DLG2: variants seen among roughly 807,000 people sequenced by gnomAD.
DLG2 encodes discs large MAGUK scaffold protein 2, also known as disks large homolog 2.
Under a neutral mutation model 132.5 loss-of-function variants are expected in DLG2, and 45 were observed. That is an observed-to-expected ratio of 0.34 (90% CI 0.27 to 0.44). The LOEUF (loss-of-function observed/expected upper bound fraction) is 0.44. DLG2 is among the 20% of genes least tolerant of loss of function. The pLI, the probability that DLG2 is intolerant of heterozygous loss-of-function variation, is 1.00. For missense variants in DLG2, 1,045 were observed against 1,196.9 expected (o/e 0.87, Z 1.87); for synonymous variants, 424 against 419.6 (o/e 1.01, Z -0.13).
intron 7 of DLG2, among the ~76,000 whole-genome samples, chr11:84,386,521 A>G (rs1379213012): frequency 2.6e-5 from 4 of 152,112 alleles, no homozygotes; most frequent in Non-Finnish European, 5.9e-5. Flanking sequence ...ATTTACTTCT[A>G]TAATTTTAAG....
chr11:84,007,733 C>A (rs2094642721), intron 11 of DLG2, among the ~76,000 whole-genome samples: 1 of 151,660 alleles, frequency 6.6e-6, no homozygotes, highest in South Asian at 2.1e-4. Flanking sequence ...AGAAAGATTA[C>A]TGGTATAATC....
chr11:84,173,356 T>G (rs957548347), intron 8 of DLG2, among the ~76,000 whole-genome samples: 11 of 152,172 alleles, frequency 7.2e-5, no homozygotes, highest in African/African-American at 2.7e-4. Flanking sequence ...GAACAGTAAA[T>G]GGTGTTAAGA....
chr11:85,504,897 C>G (rs888765704), intron 3 of DLG2, among the ~76,000 whole-genome samples: 3 of 152,052 alleles, frequency 2.0e-5, no homozygotes, highest in African/African-American at 4.8e-5. Flanking sequence ...TTGAGCAGTG[C>G]TTTGTAGTTC....
chr11:84,821,695 TTTG>T (rs1372290110), intron 6 of DLG2, among the ~76,000 whole-genome samples: 1 of 151,506 alleles, frequency 6.6e-6, no homozygotes, highest in Non-Finnish European at 1.5e-5. Context: ...CTAGTCATTT[TTTG>T]TTGTTGTTGA....
intron 4 of DLG2, among the ~76,000 whole-genome samples, chr11:85,229,296 G>GA (rs1306364943): frequency 3.3e-5 from 5 of 150,456 alleles, no homozygotes; most frequent in Admixed American, 6.6e-5. Flanking sequence ...AAATTTACAA[G>GA]AAAAAAAACC....
At chr11:85,147,742 A>G (rs999035014) in intron 5 of DLG2, among the ~76,000 whole-genome samples, 1 of 136,718 alleles carries the variant, frequency 7.3e-6, no homozygotes, top group Non-Finnish European at 1.5e-5. Flanking sequence ...ATATTCTTTT[A>G]TTTTATTTTA....
At chr11:84,476,241 G>A (rs1278752819) in intron 7 of DLG2, among the ~76,000 whole-genome samples, 1 of 152,060 alleles carries the variant, frequency 6.6e-6, no homozygotes, top group African/African-American at 2.4e-5. Context: ...TCCCCAAATG[G>A]CTTGTGTGCT....
rs1449816086 is a variant in DLG2, at chr11:84,262,043, T to C, written c.520-10752A>G. Among the ~76,000 whole-genome samples, 7 of 152,196 alleles carry C rather than the reference T, an allele frequency of 4.6e-5. No homozygotes were observed. In the East Asian group the frequency reaches 1.3e-3, roughly 29 times the overall value. ...CAGAAAGACTCCTCTATGCTAATTATACACTGGTACTTTGTGCTTATTCTT... is the reference window on the plus strand; with the variant it reads ...CAGAAAGACTCCTCTATGCTAATTACACACTGGTACTTTGTGCTTATTCTT... On this transcript the variant is annotated intron_variant, in intron 7 of 27. Coordinates refer to ENST00000376104, the MANE Select transcript of DLG2 (RefSeq NM_001142699.3).
At chr11:85,245,646 A>T (rs1222880892) in intron 4 of DLG2, among the ~76,000 whole-genome samples, 2 of 151,984 alleles carry the variant, frequency 1.3e-5, no homozygotes, top group African/African-American at 2.4e-5. Flanking sequence ...AAAAGATGTC[A>T]ATTTTCTGCT....
intron 19 of DLG2, among the ~76,000 whole-genome samples, chr11:83,596,875 C>A (rs925322776): frequency 6.6e-6 from 1 of 152,150 alleles, no homozygotes; most frequent in African/African-American, 2.4e-5. Flanking sequence ...TATGAAAATA[C>A]ATTCTGAGAA....
intron 6 of DLG2, among the ~76,000 whole-genome samples, chr11:85,032,717 T>G (rs1440116585): frequency 6.6e-6 from 1 of 152,150 alleles, no homozygotes; most frequent in Non-Finnish European, 1.5e-5. Flanking sequence ...ATTGGATAGG[T>G]TTAAAAGTGT....
intron 3 of DLG2, among the ~76,000 whole-genome samples, chr11:85,300,789 A>G (rs1184356025): frequency 3.3e-5 from 5 of 152,186 alleles, no homozygotes; most frequent in Non-Finnish European, 5.9e-5. Context: ...AGAACATTCA[A>G]CTGAGACAGA....
chr11:84,080,853 G>T (rs1015180023), intron 10 of DLG2, among the ~76,000 whole-genome samples: 1 of 151,918 alleles, frequency 6.6e-6, no homozygotes, highest in Non-Finnish European at 1.5e-5. Flanking sequence ...TTAGCTGGGC[G>T]TGGTGGCGGA....
At chr11:84,048,863 T>C (rs2096293456) in intron 11 of DLG2, among the ~76,000 whole-genome samples, 1 of 151,352 alleles carries the variant, frequency 6.6e-6, no homozygotes, top group Admixed American at 6.6e-5. Context: ...CACACACTAT[T>C]GACAAAGCTA....
chr11:85,338,283 A>G (rs559425056), intron 3 of DLG2, among the ~76,000 whole-genome samples: 5 of 152,344 alleles, frequency 3.3e-5, no homozygotes, highest in African/African-American at 1.2e-4. Flanking sequence ...ACGTAAATCA[A>G]AAGAATCTCA....
chr11:84,719,698 C>T (rs2061584303), intron 6 of DLG2, among the ~76,000 whole-genome samples: 1 of 152,156 alleles, frequency 6.6e-6, no homozygotes, highest in South Asian at 2.1e-4. Flanking sequence ...TTATTTACTA[C>T]AAACTTCACT....
At chr11:84,363,703 G>A (rs1205591843) in intron 7 of DLG2, among the ~76,000 whole-genome samples, 1 of 151,520 alleles carries the variant, frequency 6.6e-6, no homozygotes, top group Non-Finnish European at 1.5e-5. Flanking sequence ...TGTAAGGAAG[G>A]GATCCAGTTT....
chr11:85,147,885 T>C (rs2152444851), intron 5 of DLG2, among the ~76,000 whole-genome samples: 1 of 152,282 alleles, frequency 6.6e-6, no homozygotes, highest in Non-Finnish European at 1.5e-5. Context: ...CTATTTGTCC[T>C]AATGTTCTCC....
chr11:83,688,792 G>A (rs982742295), intron 18 of DLG2, among the ~76,000 whole-genome samples: 1 of 152,084 alleles, frequency 6.6e-6, no homozygotes, highest in African/African-American at 2.4e-5. Flanking sequence ...TGCCTTCTTT[G>A]TTTATCTATT....
Sources: allele counts gnomAD v4.1 joint callset (sites outside exome capture counted in the v4.1 genomes callset), GRCh38; gene constraint gnomAD v4.1.1; transcripts MANE v1.5; gene names NCBI Gene and HGNC (gene_info 2026-07-23, HGNC 2026-07-21).